Variants in PCDHGB7 observed in about 807,000 individuals in gnomAD.
PCDHGB7 encodes protocadherin gamma subfamily B, 7.
Under a neutral mutation model 61.4 loss-of-function variants are expected in PCDHGB7, and 37 were observed. That is an observed-to-expected ratio of 0.60 (90% CI 0.46 to 0.79). The LOEUF (loss-of-function observed/expected upper bound fraction) is 0.79, where lower values mean the gene tolerates loss of function less well. Among genes scored for constraint, PCDHGB7 ranks in the 30% least tolerant of loss-of-function variants. The probability of loss-of-function intolerance (pLI) is 0.00; values close to 1 mark genes in which losing one functional copy is unlikely to be tolerated. For missense variants in PCDHGB7, 1,166 were observed against 1,202.5 expected, an observed-to-expected ratio of 0.97 and a Z score of 0.45; for synonymous variants, 464 against 503.5, an observed-to-expected ratio of 0.92 and a Z score of 1.05.
At position 141,418,125 on chromosome 5, in the gene PCDHGB7, G is replaced by A. The variant is rs765373450; in HGVS notation, c.266G>A (p.Arg89Gln). The change falls in exon 1 of 4, where the codon CGA becomes CAA. Residue 89 changes from arginine (R) to glutamine (Q), a missense_variant. Arg to Gln is a conservative substitution (Grantham distance 43). Coordinates refer to ENST00000398594, the MANE Select transcript of PCDHGB7 (RefSeq NM_018927.4). ...AQSGDLLVKD[R>Q]IDREQICKER... is the part of the protein sequence containing the mutation. ...AGCGGGGACTTACTTGTGAAGGACCGAATAGACCGTGAGCAAATATGCAAA... is the reference window on the plus strand; with the variant it reads ...AGCGGGGACTTACTTGTGAAGGACCAAATAGACCGTGAGCAAATATGCAAA... The A allele has an allele frequency of 1.2e-6, 2 of 1,614,086 alleles. No individual in the cohort carries two copies. The highest frequency in any genetic ancestry group is 1.7e-4 in the Middle Eastern group (1 of 6,060).
chr5:141,431,222 C>T lies in PCDHGB7; in HGVS notation c.2415+10948C>T. On this transcript the variant is annotated intron_variant, in intron 1 of 3. Transcript: ENST00000398594. The surrounding 1 kb of genome is among the most constrained non-coding windows in gnomAD (Gnocchi z 4.8). ...AGCCACTGAGATGCGGTTCCCTCTA[C>T]CCCACGCCTGGGATCCGGATATCGG... The T allele has an allele frequency of 6.2e-7, 1 of 1,614,170 alleles. No individual in the cohort carries two copies. Among genetic ancestry groups the T allele is most frequent in the South Asian group, 1.1e-5 (1 of 91,090 alleles).
chr5:141,435,807 T>A (rs2097781241), intron 1 of PCDHGB7, among the ~76,000 whole-genome samples: 1 of 152,040 alleles, frequency 6.6e-6, no homozygotes, highest in South Asian at 2.1e-4. Context: ...CCCAATTATT[T>A]TTTCTTTCTT....
At chr5:141,504,842 A>G (rs944461166) in intron 2 of PCDHGB7, among the ~76,000 whole-genome samples, 7 of 151,968 alleles carry the variant, frequency 4.6e-5, no homozygotes, top group African/African-American at 1.7e-4. Context: ...CTAGCTCTGG[A>G]ACATTCTCTT....
At chr5:141,435,875 T>C (rs1324511823) in intron 1 of PCDHGB7, among the ~76,000 whole-genome samples, 1 of 152,100 alleles carries the variant, frequency 6.6e-6, no homozygotes, top group African/African-American at 2.4e-5. Flanking sequence ...AGAAAAGAGA[T>C]TGGAAACCCC....
Position 141,431,915 on chromosome 5 carries a change from A to G in PCDHGB7, c.2415+11641A>G. 1 of 1,614,040 alleles carries G rather than the reference A, an allele frequency of 6.2e-7. No homozygotes were observed. The highest frequency in any genetic ancestry group is 8.5e-7 in the Non-Finnish European group (1 of 1,179,854). On this transcript the variant is annotated intron_variant, in intron 1 of 3. Coordinates refer to ENST00000398594, the MANE Select transcript of PCDHGB7 (RefSeq NM_018927.4). The surrounding 1 kb of genome is among the most constrained non-coding windows in gnomAD (Gnocchi z 4.8). ...GGAAAACGGACAGGTGATCTGTTTC[A>G]TCCAAGGAAATCTGCCCTTTAAATT...
chr5:141,419,190 A>G lies in PCDHGB7; in HGVS notation c.1331A>G (p.Asp444Gly). The G allele has an allele frequency of 6.2e-7, 1 of 1,613,930 alleles. No homozygotes were observed. Among genetic ancestry groups the G allele is most frequent in the South Asian group, 1.1e-5 (1 of 91,090 alleles). The change falls in exon 1 of 4, where the codon GAC (aspartate) becomes GGC (glycine). Residue 444 changes from aspartate (D) to glycine (G), a missense_variant. Physicochemically the swap from Asp to Gly is moderately conservative, Grantham distance 94. Coordinates refer to ENST00000398594, the MANE Select transcript of PCDHGB7 (RefSeq NM_018927.4). ...AAAACCATAACCCTGCACATTACTG[A>G]CGTCAATGACAACGCGCCGGTTTTC... ...SSKTITLHITDVNDNAPVFGQ... is the reference protein window; with the variant it reads ...SSKTITLHITGVNDNAPVFGQ...
At chr5:141,429,647 T>C (rs1430094173) in intron 1 of PCDHGB7, among the ~76,000 whole-genome samples, 2 of 152,272 alleles carry the variant, frequency 1.3e-5, no homozygotes, top group African/African-American at 4.8e-5. Flanking sequence ...TATATATTTC[T>C]TCCCAATTTA....
intron 1 of PCDHGB7, 91 bp from the exon 2 acceptor site, chr5:141,494,716 C>T (rs1448674271): frequency 3.7e-6 from 6 of 1,604,970 alleles, no homozygotes; most frequent in East Asian, 4.5e-5. Flanking sequence ...TGCCCACTCC[C>T]CTCCTTCTCT....
chr5:141,420,186 C>A lies in PCDHGB7; in HGVS notation c.2327C>A (p.Ala776Asp). Residue 776 changes from alanine to aspartate, a missense_variant, in exon 1 of 4, where the codon GCC (alanine) becomes GAC (aspartate). Coordinates refer to ENST00000398594, the MANE Select transcript of PCDHGB7 (RefSeq NM_018927.4). ...TTCACATCTGTTGATCATTGTCCAG[C>A]CACACAAGATAACCTCAACAAAGAT... Reference protein sequence around the residue: ...NFFTSVDHCPATQDNLNKDSM... With the variant: ...NFFTSVDHCPDTQDNLNKDSM... The A allele has an allele frequency of 6.2e-7, 1 of 1,613,696 alleles. No individual in the cohort carries two copies. The highest frequency in any genetic ancestry group is 8.5e-7 in the Non-Finnish European group (1 of 1,179,666).
intron 1 of PCDHGB7, chr5:141,479,712 C>T (rs1488849933): frequency 6.6e-6 from 1 of 152,216 alleles, no homozygotes; most frequent in Non-Finnish European, 1.5e-5. Flanking sequence ...CCCTGTCCTT[C>T]CAGCCTTATT....
At chr5:141,444,774 AT>A (rs2098446962) in intron 1 of PCDHGB7, among the ~76,000 whole-genome samples, 1 of 152,018 alleles carries the variant, frequency 6.6e-6, no homozygotes, top group Non-Finnish European at 1.5e-5. Context: ...TATATTCTTG[AT>A]CATGTTTCAT....
intron 1 of PCDHGB7, among the ~76,000 whole-genome samples, chr5:141,467,211 C>G (rs1288732759): frequency 6.6e-6 from 1 of 152,068 alleles, no homozygotes; most frequent in Non-Finnish European, 1.5e-5. Context: ...TGCCACCATG[C>G]CTGGCTAATT....
chr5:141,469,697 T>G (rs2154570403), intron 1 of PCDHGB7, among the ~76,000 whole-genome samples: 1 of 152,392 alleles, frequency 6.6e-6, no homozygotes, highest in African/African-American at 2.4e-5. Context: ...TCCTATGACC[T>G]AGTAATCACA....
intron 1 of PCDHGB7, among the ~76,000 whole-genome samples, chr5:141,450,487 G>A (rs1379694010): frequency 1.3e-5 from 2 of 151,938 alleles, no homozygotes; most frequent in African/African-American, 2.4e-5. Context: ...TTGTTTGTTT[G>A]TCTGTTTGTT....
Position 141,485,449 on chromosome 5 carries a change from A to G in PCDHGB7, c.2416-9358A>G, listed in dbSNP as rs2099613844. 6.2e-7 allele frequency: 1 copy of G among 1,614,054 alleles called. No homozygotes were observed. The highest frequency in any genetic ancestry group is 2.2e-5 in the East Asian group (1 of 44,876). On this transcript the variant is annotated intron_variant, in intron 1 of 3. Coordinates refer to ENST00000398594, the MANE Select transcript of PCDHGB7 (RefSeq NM_018927.4). The surrounding 1 kb of genome is among the most constrained non-coding windows in gnomAD (Gnocchi z 5.7). ...TGCTCATCAAGAACCCAATCGACCG[A>G]GAGGCACTGTGTGGGCTCAGTGCCA...
At chr5:141,421,974 C>T in intron 1 of PCDHGB7, 3 of 1,609,644 alleles carry the variant, frequency 1.9e-6, no homozygotes, top group African/African-American at 1.3e-5. Flanking sequence ...CCGTATATCG[C>T]GTGAGTGTTC....
intron 3 of PCDHGB7, among the ~76,000 whole-genome samples, chr5:141,506,381 G>A (rs750584158): frequency 2.0e-5 from 3 of 151,216 alleles, no homozygotes; most frequent in Non-Finnish European, 4.4e-5. Context: ...CCTGGGAGGT[G>A]GCTGTGGTGA....
chr5:141,488,815 T>A (rs769851687), intron 1 of PCDHGB7, among the ~76,000 whole-genome samples: 30 of 152,144 alleles, frequency 2.0e-4, no homozygotes, highest in Non-Finnish European at 4.1e-4. Context: ...ATCTGAGCTG[T>A]CAAACTTTGC....
Position 141,431,461 on chromosome 5 carries a change from T to C in PCDHGB7, c.2415+11187T>C, listed in dbSNP as rs1477501293. 1 of 1,613,800 alleles carries C rather than the reference T, an allele frequency of 6.2e-7. No individual in the cohort carries two copies. Among genetic ancestry groups the C allele is most frequent in the Admixed American group, 1.7e-5 (1 of 60,032 alleles). ...CGCGCATCCGCGTGATGGTTCTGGA[T>C]GCGAACGACAACGCACCAGCGTTTG... On this transcript the variant is annotated intron_variant, in intron 1 of 3. Transcript: ENST00000398594. The surrounding 1 kb of genome is among the most constrained non-coding windows in gnomAD (Gnocchi z 4.8).
Sources: gnomAD v4.1 joint callset for allele counts (sites outside exome capture counted in the v4.1 genomes callset) on GRCh38, gnomAD v4.1.1 for gene constraint, Gnocchi (gnomAD v3.1) non-coding constraint, MANE v1.5 for transcripts, NCBI Gene and HGNC (gene_info 2026-07-23, HGNC 2026-07-21) for gene names.